ZNF322: variants seen among roughly 807,000 people sequenced by gnomAD.
The protein encoded by ZNF322 is HLA complex group 12.
ZNF322 carries 1 observed loss-of-function variant against 18.3 expected under a neutral mutation model. The ratio of observed to expected loss-of-function variants is 0.05; its 90% confidence interval spans 0.02 to 0.26. The LOEUF is 0.26. Ranked by LOEUF, ZNF322 falls within the 10% of genes least tolerant of loss-of-function variation. The probability of loss-of-function intolerance (pLI) is 1.00; values close to 1 mark genes in which losing one functional copy is unlikely to be tolerated. For missense variants in ZNF322, 36 were observed against 403.6 expected (o/e 0.09, Z 7.80); for synonymous variants, 17 against 130.7 (o/e 0.13, Z 5.93).
In ZNF322 at chr6:26,642,866, T is replaced by C. The variant is rs558750889; in HGVS notation, c.-176+793A>G. On this transcript the variant is annotated intron_variant, in intron 3 of 3. Coordinates refer to ENST00000415922, the MANE Select transcript of ZNF322 (RefSeq NM_024639.5). The stretch of plus-strand genomic sequence containing the variant: ...TCCTTTATTTCCTCAGGCTAAAACC[T>C]TGAAGTCATCCTGCACTCTTCTTTC... Among the ~76,000 whole-genome samples the C allele has an allele frequency of 9.8e-5, 15 of 152,334 alleles. No individual in the cohort carries two copies. In the East Asian group the frequency reaches 2.9e-3, roughly 29 times the overall value.
At chr6:26,649,702 T>TATA (rs1491481825) in intron 2 of ZNF322, among the ~76,000 whole-genome samples, 60 of 89,082 alleles carry the variant, frequency 6.7e-4, no homozygotes, top group African/African-American at 8.5e-4. Flanking sequence ...TATATATATA[T>TATA]TTTTTTTTTT....
Position 26,637,441 on chromosome 6 carries a change from T to C in ZNF322, c.1113A>G (p.Thr371=), listed in dbSNP as rs782725340. 1.2e-6 allele frequency: 2 copies of C among 1,613,996 alleles called. No individual in the cohort carries two copies. The highest frequency in any genetic ancestry group is 1.7e-6 in the Non-Finnish European group (2 of 1,179,830). Residue 371 remains threonine, a synonymous_variant, in exon 4 of 4, where the codon ACA becomes ACG. Coordinates refer to ENST00000415922, the MANE Select transcript of ZNF322 (RefSeq NM_024639.5). ...HQSSALLQHQ[T]VHIGEKPFVC... is the part of the protein sequence containing the mutation. The stretch of plus-strand genomic sequence containing the variant: ...CAAACGGTTTTTCACCAATGTGTAC[T>C]GTCTGATGTTGAAGAAGGGCTGAAC...
At chr6:26,652,901 T>C (rs1162775668) in intron 2 of ZNF322, among the ~76,000 whole-genome samples, 1 of 152,092 alleles carries the variant, frequency 6.6e-6, no homozygotes, top group African/African-American at 2.4e-5. Flanking sequence ...AAGAGAGTGG[T>C]AGGGGACATA....
intron 3 of ZNF322, among the ~76,000 whole-genome samples, chr6:26,640,017 T>C (rs1468143803): frequency 2.0e-5 from 3 of 152,060 alleles, no homozygotes; most frequent in Non-Finnish European, 4.4e-5. Flanking sequence ...CTCTAGCAAT[T>C]CCACCCTCCC....
Position 26,638,745 on chromosome 6 carries a change from A to C in ZNF322, c.-175-17T>G. On this transcript the variant is annotated splice_polypyrimidine_tract_variant and intron_variant, in intron 3 of 3. Coordinates refer to ENST00000415922, the MANE Select transcript of ZNF322 (RefSeq NM_024639.5). ...TTTCCAACCCTGTGAGACAAAGTAG[A>C]AATATTATTTATATTCCTATGACTA... 2.2e-6 allele frequency: 2 copies of C among 928,642 alleles called. No individual in the cohort carries two copies. Among genetic ancestry groups the C allele is most frequent in the South Asian group, 3.8e-5 (2 of 52,980 alleles). 57.5% of individuals were successfully genotyped at this position (928,642 alleles called of 1,614,324 possible).
chr6:26,649,051 C>A (rs1765605671), intron 2 of ZNF322, among the ~76,000 whole-genome samples: 1 of 152,150 alleles, frequency 6.6e-6, no homozygotes, highest in Admixed American at 6.5e-5. Context: ...ACAATAGAGA[C>A]CAGATAGCCA....
chr6:26,656,814 G>T (rs1765779862), intron 2 of ZNF322, among the ~76,000 whole-genome samples: 4 of 151,790 alleles, frequency 2.6e-5, no homozygotes. Flanking sequence ...TGTCTTATTT[G>T]CCCTAAACAA....
intron 2 of ZNF322, among the ~76,000 whole-genome samples, chr6:26,653,713 T>C (rs1554149449): frequency 6.6e-6 from 1 of 152,100 alleles, no homozygotes; most frequent in Non-Finnish European, 1.5e-5. Context: ...CTAATGAGAT[T>C]GGTTATCATT....
intron 2 of ZNF322, among the ~76,000 whole-genome samples, chr6:26,654,824 CCCA>C (rs1275127206): frequency 6.6e-6 from 1 of 151,766 alleles, no homozygotes; most frequent in Non-Finnish European, 1.5e-5. Flanking sequence ...AAAATATCTC[CCCA>C]CTAGATATTT....
chr6:26,654,647 T>TA (rs1283209432), intron 2 of ZNF322, among the ~76,000 whole-genome samples: 28 of 151,324 alleles, frequency 1.9e-4, no homozygotes, highest in Admixed American at 6.6e-4. Context: ...TTGTACTCAT[T>TA]AAAAAAAAGT....
At chr6:26,655,302 G>A (rs189667966) in intron 2 of ZNF322, among the ~76,000 whole-genome samples, 56 of 152,338 alleles carry the variant, frequency 3.7e-4, no homozygotes, top group South Asian at 1.0e-3. Flanking sequence ...CTTATTGTAT[G>A]AATGTTAATT....
chr6:26,652,243 A>G (rs1765683858), intron 2 of ZNF322, among the ~76,000 whole-genome samples: 1 of 152,258 alleles, frequency 6.6e-6, no homozygotes, highest in Admixed American at 6.5e-5. Context: ...CTGTCTAGAG[A>G]ATGAGAAGAC....
chr6:26,656,049 G>A (rs1554149657), intron 2 of ZNF322, among the ~76,000 whole-genome samples: 1 of 152,230 alleles, frequency 6.6e-6, no homozygotes, highest in Non-Finnish European at 1.5e-5. Flanking sequence ...TAGAGCATAT[G>A]AGTGAAGGGT....
intron 2 of ZNF322, among the ~76,000 whole-genome samples, chr6:26,654,951 T>C (rs1303076281): frequency 1.3e-5 from 2 of 152,092 alleles, no homozygotes; most frequent in Non-Finnish European, 2.9e-5. Flanking sequence ...AGATAAAACA[T>C]CATGAGCCTC....
At chr6:26,644,036 A>T (rs1388483448) in intron 2 of ZNF322, among the ~76,000 whole-genome samples, 1 of 152,236 alleles carries the variant, frequency 6.6e-6, no homozygotes, top group Non-Finnish European at 1.5e-5. Flanking sequence ...CGAAGGCATT[A>T]TCTTCCCTAC....
chr6:26,657,452 C>G (rs953016245), intron 2 of ZNF322, among the ~76,000 whole-genome samples: 1 of 152,114 alleles, frequency 6.6e-6, no homozygotes, highest in Non-Finnish European at 1.5e-5. Context: ...CTTTATTGGA[C>G]TCAAGTCTCT....
intron 2 of ZNF322, among the ~76,000 whole-genome samples, chr6:26,647,380 C>T (rs1310406648): frequency 6.6e-6 from 1 of 151,840 alleles, no homozygotes; most frequent in Non-Finnish European, 1.5e-5. Context: ...AAATCAAAAT[C>T]ATACTTATTT....
chr6:26,655,450 C>T (rs1554149607), intron 2 of ZNF322, among the ~76,000 whole-genome samples: 1 of 152,184 alleles, frequency 6.6e-6, no homozygotes, highest in African/African-American at 2.4e-5. Context: ...ATTCGAATGA[C>T]TGTTTTCTCA....
At chr6:26,654,960 T>C (rs1554149570) in intron 2 of ZNF322, among the ~76,000 whole-genome samples, 2 of 152,128 alleles carry the variant, frequency 1.3e-5, no homozygotes, top group African/African-American at 4.8e-5. Context: ...ATCATGAGCC[T>C]CCTAATATGA....
Sources: gnomAD v4.1 joint callset for allele counts (sites outside exome capture counted in the v4.1 genomes callset) on GRCh38, gnomAD v4.1.1 for gene constraint, MANE v1.5 for transcripts, NCBI Gene and HGNC (gene_info 2026-07-23, HGNC 2026-07-21) for gene names.